Variants in CBLB observed in about 807,000 individuals in gnomAD.
The protein encoded by CBLB is E3 ubiquitin-protein ligase CBL-B.
Under a neutral mutation model 104.9 loss-of-function variants are expected in CBLB, and 31 were observed. That is an observed-to-expected ratio of 0.30 (90% CI 0.22 to 0.40). The LOEUF (loss-of-function observed/expected upper bound fraction) is 0.40. CBLB is among the 10% of genes least tolerant of loss of function. The probability of loss-of-function intolerance (pLI) is 1.00; values close to 1 mark genes in which losing one functional copy is unlikely to be tolerated. For missense variants in CBLB, 1,062 were observed against 1,214.6 expected, an observed-to-expected ratio of 0.87 and a Z score of 1.87; for synonymous variants, 440 against 422.6, an observed-to-expected ratio of 1.04 and a Z score of -0.51.
At chr3:105,664,884 C>A (rs1158920380) in intron 18 of CBLB, among the ~76,000 whole-genome samples, 1 of 152,078 alleles carries the variant, frequency 6.6e-6, no homozygotes, top group Non-Finnish European at 1.5e-5. Context: ...CATGATTTTA[C>A]CACTGAACAT....
At chr3:105,819,255 G>C (rs2085479683) in intron 3 of CBLB, among the ~76,000 whole-genome samples, 6 of 152,310 alleles carry the variant, frequency 3.9e-5, no homozygotes, top group South Asian at 4.1e-4. Flanking sequence ...GGGAGGCCAA[G>C]GGGGGTGGAT....
intron 3 of CBLB, among the ~76,000 whole-genome samples, chr3:105,790,093 A>G (rs1017403871): frequency 5.9e-5 from 9 of 152,242 alleles, no homozygotes; most frequent in Non-Finnish European, 1.5e-5. Flanking sequence ...CACCAGAATC[A>G]ACCATTATTT....
chr3:105,825,752 G>A (rs1345357922), intron 3 of CBLB, among the ~76,000 whole-genome samples: 1 of 152,116 alleles, frequency 6.6e-6, no homozygotes, highest in East Asian at 1.9e-4. Flanking sequence ...TGAAATTTTT[G>A]TCTGCTTTTG....
chr3:105,697,766 G>A (rs2068566786), intron 12 of CBLB, among the ~76,000 whole-genome samples: 1 of 152,002 alleles, frequency 6.6e-6, no homozygotes. Context: ...CAATGTCACC[G>A]TAAGTTACAT....
chr3:105,704,797 G>C (rs1222926835), intron 10 of CBLB, among the ~76,000 whole-genome samples: 2 of 140,298 alleles, frequency 1.4e-5, no homozygotes, highest in Non-Finnish European at 3.2e-5. Flanking sequence ...TGTACTTCTG[G>C]CAAAAACTAA....
rs1317505188 is a variant in CBLB at position 105,734,006 on chromosome 3, T to C, written c.1203+3A>G. The C allele has an allele frequency of 1.2e-6, 2 of 1,613,616 alleles. No individual in the cohort carries two copies. The highest frequency in any genetic ancestry group is 1.7e-6 in the Non-Finnish European group (2 of 1,179,506). ...AAGACATCCATGTTGCTAATGATTA[T>C]ACCTGCCATGCCGTAAGGCAAGAGG... On this transcript the variant is annotated splice_donor_region_variant and intron_variant, in intron 9 of 18. Transcript: ENST00000394030.
At chr3:105,803,242 T>C (rs2083108455) in intron 3 of CBLB, among the ~76,000 whole-genome samples, 1 of 152,214 alleles carries the variant, frequency 6.6e-6, no homozygotes, top group Admixed American at 6.5e-5. Flanking sequence ...GTAGAATAAT[T>C]ATGGAACTTC....
intron 17 of CBLB, chr3:105,671,262 A>G (rs1464499360): frequency 4.8e-6 from 1 of 207,082 alleles, no homozygotes; most frequent in Non-Finnish European, 9.9e-6. Flanking sequence ...TTATCTAGCT[A>G]TCACTCCCAC....
At chr3:105,757,540 G>A (rs1346853831) in intron 4 of CBLB, among the ~76,000 whole-genome samples, 1 of 152,112 alleles carries the variant, frequency 6.6e-6, no homozygotes, top group Non-Finnish European at 1.5e-5. Flanking sequence ...GATACATACT[G>A]TAAACATGGA....
chr3:105,803,023 A>C (rs973371547), intron 3 of CBLB, among the ~76,000 whole-genome samples: 1 of 152,218 alleles, frequency 6.6e-6, no homozygotes, highest in African/African-American at 2.4e-5. Context: ...TGAAAATTAA[A>C]TTAGAGAAAT....
In CBLB at chr3:105,657,300, C is replaced by G; in HGVS notation, c.*1670G>C. The G allele has an allele frequency of 4.6e-6, 1 of 219,600 alleles. No homozygotes were observed. Among genetic ancestry groups the G allele is most frequent in the East Asian group, 6.7e-5 (1 of 15,012 alleles). 13.6% of individuals were successfully genotyped at this position (219,600 alleles called of 1,614,324 possible). ...CTGAAGGCAGGCTCACTCTCTGATG[C>G]ATCTTTTTATATCATGGTGGGTGTG... On this transcript the variant is annotated 3_prime_UTR_variant, in exon 19 of 19. Coordinates refer to ENST00000394030, the MANE Select transcript of CBLB (RefSeq NM_170662.5).
At chr3:105,749,824 TA>T in intron 5 of CBLB, 1 of 223,362 alleles carries the variant, frequency 4.5e-6, no homozygotes, top group Non-Finnish European at 9.3e-6. Flanking sequence ...CTTTTTTTTC[TA>T]AAATATATCT....
chr3:105,824,855 T>A (rs549139106), intron 3 of CBLB, among the ~76,000 whole-genome samples: 2 of 152,166 alleles, frequency 1.3e-5, no homozygotes, highest in South Asian at 4.2e-4. Flanking sequence ...CCTTCTCTTG[T>A]TTAGACTTAG....
intron 4 of CBLB, among the ~76,000 whole-genome samples, chr3:105,763,603 G>A (rs1435433324): frequency 6.6e-6 from 1 of 152,168 alleles, no homozygotes; most frequent in Non-Finnish European, 1.5e-5. Flanking sequence ...GGAACTGTGA[G>A]TGCATTAAAC....
intron 17 of CBLB, among the ~76,000 whole-genome samples, chr3:105,675,413 A>G (rs1350891385): frequency 6.6e-6 from 1 of 152,220 alleles, no homozygotes; most frequent in African/African-American, 2.4e-5. Context: ...ATTTCTTTAG[A>G]CAGTATAATG....
At chr3:105,683,825 T>C (rs2066639021) in intron 14 of CBLB, among the ~76,000 whole-genome samples, 1 of 152,190 alleles carries the variant, frequency 6.6e-6, no homozygotes, top group Non-Finnish European at 1.5e-5. Context: ...GCAAGGAGTG[T>C]TTAGGTTCTT....
At chr3:105,810,153 ATTTATACCTGT>A (rs2084080108) in intron 3 of CBLB, among the ~76,000 whole-genome samples, 1 of 152,176 alleles carries the variant, frequency 6.6e-6, no homozygotes, top group Non-Finnish European at 1.5e-5. Flanking sequence ...TCTGCTATGA[ATTTATACCTGT>A]TTAAAAATCA....
chr3:105,796,802 C>G (rs193278677), intron 3 of CBLB, among the ~76,000 whole-genome samples: 169 of 152,286 alleles, frequency 1.1e-3, no homozygotes, highest in Middle Eastern at 3.4e-3. Flanking sequence ...AGAAGACATA[C>G]ATGCAACCAA....
intron 3 of CBLB, among the ~76,000 whole-genome samples, chr3:105,837,538 G>A (rs1470449917): frequency 6.6e-6 from 1 of 152,216 alleles, no homozygotes; most frequent in Non-Finnish European, 1.5e-5. Context: ...TAGTTTGTGA[G>A]AGTAGGCAGA....
Sources: gnomAD v4.1 joint callset for allele counts (sites outside exome capture counted in the v4.1 genomes callset) on GRCh38, gnomAD v4.1.1 for gene constraint, MANE v1.5 for transcripts, NCBI Gene and HGNC (gene_info 2026-07-23, HGNC 2026-07-21) for gene names.